ITGA5: variants seen among roughly 807,000 people sequenced by gnomAD.
ITGA5 encodes integrin subunit alpha 5.
ITGA5 carries 55 observed loss-of-function variants against 146.3 expected under a neutral mutation model. That is an observed-to-expected ratio of 0.38 (90% CI 0.30 to 0.47). The LOEUF (loss-of-function observed/expected upper bound fraction) is 0.47, where lower values mean the gene tolerates loss of function less well. Ranked by LOEUF, ITGA5 falls within the 20% of genes least tolerant of loss-of-function variation. ITGA5 has a pLI of 0.99. For synonymous variants in ITGA5, 500 were observed against 531.8 expected, an observed-to-expected ratio of 0.94 and a Z score of 0.82; for missense variants, 1,131 against 1,329.0, an observed-to-expected ratio of 0.85 and a Z score of 2.32.
At chr12:54,415,355 G>C (rs1046463866) in intron 1 of ITGA5, among the ~76,000 whole-genome samples, 2 of 152,134 alleles carry the variant, frequency 1.3e-5, no homozygotes, top group African/African-American at 4.8e-5. Context: ...AGCATCCACT[G>C]GTTTTAAGAC....
chr12:54,414,722 T>C (rs1446004477), intron 1 of ITGA5, among the ~76,000 whole-genome samples: 1 of 150,478 alleles, frequency 6.6e-6, no homozygotes, highest in Non-Finnish European at 1.5e-5. Flanking sequence ...TGGCGGGCGC[T>C]TGTAGTCCCA....
chr12:54,399,849 C>T lies in ITGA5; in HGVS notation c.2727+15G>A. ...TCAACACTTTGGTCCACACCTCATT[C>T]CCTGCCTGACTTACCAGGATCTGAG... On this transcript the variant is annotated intron_variant, in intron 26 of 29. Transcript: ENST00000293379. 6.2e-7 allele frequency: 1 copy of T among 1,613,410 alleles called. No individual in the cohort carries two copies. Among genetic ancestry groups the T allele is most frequent in the Non-Finnish European group, 8.5e-7 (1 of 1,179,316 alleles).
chr12:54,413,300 T>G (rs1462512447), intron 1 of ITGA5: 1 of 151,672 alleles, frequency 6.6e-6, no homozygotes, highest in Non-Finnish European at 1.5e-5. Context: ...AGAGGACAGG[T>G]CCGAGGGGAC....
At chr12:54,418,491 T>C (rs1956035904) in intron 1 of ITGA5, among the ~76,000 whole-genome samples, 1 of 151,894 alleles carries the variant, frequency 6.6e-6, no homozygotes, top group Admixed American at 6.6e-5. Context: ...GTCTTTGACT[T>C]TCCTCCTACT....
At position 54,416,970 on chromosome 12, in the gene ITGA5, T is replaced by C. The variant is rs1956014510; in HGVS notation, c.218+2011A>G. Among the ~76,000 whole-genome samples the C allele has an allele frequency of 6.6e-6, 1 of 152,084 alleles. No homozygotes were observed. Among genetic ancestry groups the C allele is most frequent in the Admixed American group, 6.6e-5 (1 of 15,256 alleles). ...GGTGAGGGGCTGTGTTTGTCTTGTG[T>C]TGTGGGAAAGGGGGTGAAGGCCTAG... On this transcript the variant is annotated intron_variant, in intron 1 of 29. Coordinates refer to ENST00000293379, the MANE Select transcript of ITGA5 (RefSeq NM_002205.5). The surrounding 1 kb of genome is among the most constrained non-coding windows in gnomAD (Gnocchi z 4.1).
In ITGA5 at chr12:54,419,256, C is replaced by G; in HGVS notation, c.-58G>C. On this transcript the variant is annotated 5_prime_UTR_variant, in exon 1 of 30. Transcript: ENST00000293379. ...ACCCGGAGCCGCTTCCTAAACCTCCCAGAGGCGAATGACTCAACGCGGGGA... is the reference window on the plus strand; with the variant it reads ...ACCCGGAGCCGCTTCCTAAACCTCCGAGAGGCGAATGACTCAACGCGGGGA... 1 of 1,530,096 alleles carries G rather than the reference C, an allele frequency of 6.5e-7. No homozygotes were observed. The allele number at this position is 1,530,096 out of a possible 1,614,324, so 94.8% of individuals were successfully genotyped here.
Position 54,408,904 on chromosome 12 carries a change from C to G in ITGA5, c.634G>C (p.Glu212Gln). The change falls in exon 5 of 30, where the codon GAG becomes CAG. Residue 212 changes from glutamate (E) to glutamine (Q), a missense_variant. Physicochemically the swap from Glu to Gln is conservative, Grantham distance 29 (BLOSUM62 2). Around this residue, in one of 3 missense-constraint regions of ITGA5, gnomAD observed 67 missense variants for 128.2 expected, o/e 0.52. Coordinates refer to ENST00000293379, the MANE Select transcript of ITGA5 (RefSeq NM_002205.5). ...GACCACTCTCTCACCTTGGTGAACT[C>G]GGCACTGAAGCCTCCTTGGCAGTAA... ...QGYCQGGFSA[E>Q]FTKTGRVVLG... The G allele has an allele frequency of 6.2e-7, 1 of 1,614,012 alleles. No individual in the cohort carries two copies. Among genetic ancestry groups the G allele is most frequent in the African/African-American group, 1.3e-5 (1 of 74,998 alleles).
chr12:54,397,283 G>C, intron 29 of ITGA5, 82 bp downstream of exon 29: 2 of 1,514,104 alleles, frequency 1.3e-6, no homozygotes, highest in Non-Finnish European at 1.8e-6. Flanking sequence ...AACTGGTCTA[G>C]AGGTAGATAC....
rs779240452 is a variant in ITGA5, at chr12:54,401,967, C to A, written c.2226+34G>T. 1 of 1,609,680 alleles carries A rather than the reference C, an allele frequency of 6.2e-7. No homozygotes were observed. The highest frequency in any genetic ancestry group is 8.5e-7 in the Non-Finnish European group (1 of 1,176,072). ...TGGTTACCGCCCTCAGGTCTGCTCT[C>A]CCTCTGTCCCATCCTCTTTCATCCC... On this transcript the variant is annotated intron_variant, in intron 21 of 29. Coordinates refer to ENST00000293379, the MANE Select transcript of ITGA5 (RefSeq NM_002205.5). The surrounding 1 kb of genome is among the most constrained non-coding windows in gnomAD (Gnocchi z 5.0).
intron 2 of ITGA5, among the ~76,000 whole-genome samples, chr12:54,410,019 G>T (rs911407064): frequency 1.3e-5 from 2 of 152,020 alleles, no homozygotes; most frequent in Admixed American, 6.6e-5. Context: ...ACCACACCTG[G>T]CTAATTTTTG....
At chr12:54,400,158 T>TA (rs1955769653) in intron 25 of ITGA5, 19 of 563,600 alleles carry the variant, frequency 3.4e-5, no homozygotes, top group Non-Finnish European at 6.0e-5. Context: ...CTGGAGGAGA[T>TA]GCTTAAGTAA....
At chr12:54,404,288 C>G (rs1158618634) in intron 14 of ITGA5, 42 bp from the exon 15 acceptor site, 1 of 1,587,158 alleles carries the variant, frequency 6.3e-7, no homozygotes. Context: ...TAGGACTCCT[C>G]TGTAACCTGG....
chr12:54,405,187 G>C lies in ITGA5; in HGVS notation c.1204C>G (p.Leu402Val), dbSNP rs766985360. The C allele has an allele frequency of 6.2e-7, 1 of 1,606,102 alleles. No individual in the cohort carries two copies. Among genetic ancestry groups the C allele is most frequent in the Non-Finnish European group, 8.5e-7 (1 of 1,174,536 alleles). ...TCACCATTGTAGCCATCCTGGTCCA[G>C]GTCCCCCAGGGGGGTCAAGGAGCTG... ...FGSSLTPLGD[L>V]DQDGYNDVAI... The change falls in exon 12 of 30, where the codon CTG becomes GTG. Residue 402 changes from leucine (L) to valine (V), a missense_variant. Around this residue, in one of 3 missense-constraint regions of ITGA5, gnomAD observed 889 missense variants for 1,021.5 expected, o/e 0.87. Transcript: ENST00000293379.
intron 13 of ITGA5, 61 bp from the exon 14 acceptor site, chr12:54,404,536 A>G (rs1466497092): frequency 1.3e-6 from 2 of 1,593,328 alleles, no homozygotes; most frequent in Admixed American, 3.3e-5. Context: ...CTTTCTTCCT[A>G]ACCCCTCCTG....
At chr12:54,398,462 T>G (rs1955741939) in intron 28 of ITGA5, 135 bp downstream of exon 28, 5 of 619,740 alleles carry the variant, frequency 8.1e-6, no homozygotes, top group Non-Finnish European at 1.4e-5. Context: ...CTCTGGCATC[T>G]GCACAGTGCT....
At position 54,408,225 on chromosome 12, in the gene ITGA5, C is replaced by T; in HGVS notation, c.702G>A (p.Leu234=). 6.2e-7 allele frequency: 1 copy of T among 1,614,016 alleles called. No homozygotes were observed. The highest frequency in any genetic ancestry group is 8.5e-7 in the Non-Finnish European group (1 of 1,179,994). ...PGSYFWQGQI[L]SATQEQIAES... Reference sequence around the variant, plus strand: ...CTGCAATCTGCTCCTGAGTGGCAGACAGGATCTGGCCTGGAGAGAGTATGA... The same window carrying T: ...CTGCAATCTGCTCCTGAGTGGCAGATAGGATCTGGCCTGGAGAGAGTATGA... Residue 234 remains leucine (L), a synonymous_variant, in exon 7 of 30, where the codon CTG becomes CTA. Coordinates refer to ENST00000293379, the MANE Select transcript of ITGA5 (RefSeq NM_002205.5).
chr12:54,399,608 A>G (rs1023525712), intron 27 of ITGA5, 37 bp downstream of exon 27: 3 of 1,501,090 alleles, frequency 2.0e-6, no homozygotes, highest in South Asian at 1.1e-5. Flanking sequence ...AGCAGGCCCA[A>G]AGGTCAGGGG....
Position 54,405,340 on chromosome 12 carries a change from T to C in ITGA5, c.1051A>G (p.Met351Val). The change falls in exon 12 of 30, where the codon ATG becomes GTG. Residue 351 changes from methionine to valine, a missense_variant. Coordinates refer to ENST00000293379, the MANE Select transcript of ITGA5 (RefSeq NM_002205.5). ...DDLLVGAPLLMDRTPDGRPQE... is the reference protein window; with the variant it reads ...DDLLVGAPLLVDRTPDGRPQE... Reference sequence around the variant, plus strand: ...GGCCGCCCGTCAGGGGTCCGATCCATGAGCAGGGGTGCCCCCACCAGCAAG... The same window carrying C: ...GGCCGCCCGTCAGGGGTCCGATCCACGAGCAGGGGTGCCCCCACCAGCAAG... 1.2e-6 allele frequency: 2 copies of C among 1,610,872 alleles called. No homozygotes were observed. Among genetic ancestry groups the C allele is most frequent in the Non-Finnish European group, 1.7e-6 (2 of 1,179,172 alleles).
intron 27 of ITGA5, among the ~76,000 whole-genome samples, chr12:54,399,243 A>T (rs1455750348): frequency 6.6e-6 from 1 of 152,218 alleles, no homozygotes; most frequent in African/African-American, 2.4e-5. Context: ...CGTGTTCAAT[A>T]AAAATTTTTT....
Sources: gnomAD v4.1 joint callset for allele counts (sites outside exome capture counted in the v4.1 genomes callset) on GRCh38, gnomAD v4.1.1 for gene constraint, gnomAD v4.1.1 regional missense constraint, Gnocchi (gnomAD v3.1) non-coding constraint, MANE v1.5 for transcripts, NCBI Gene and HGNC (gene_info 2026-07-23, HGNC 2026-07-21) for gene names.